EYS: variants seen among roughly 807,000 people sequenced by gnomAD.
EYS encodes EGF-like photoreceptor maintenance factor.
Under a neutral mutation model 282.1 loss-of-function variants are expected in EYS, and 250 were observed. The ratio of observed to expected loss-of-function variants is 0.89; its 90% confidence interval spans 0.80 to 0.98. The LOEUF is 0.98. Ranked by LOEUF, EYS falls within the 50% of genes least tolerant of loss-of-function variation. The pLI is 0.00. For missense variants in EYS, 4,016 were observed against 3,709.0 expected (o/e 1.08, Z -2.15); for synonymous variants, 1,355 against 1,282.9 (o/e 1.06, Z -1.20).
chr6:63,787,389 C>T (rs1253250754), intron 39 of EYS: 2 of 152,228 alleles, frequency 1.3e-5, no homozygotes, highest in African/African-American at 4.8e-5. Context: ...GTTAGATGGA[C>T]TTTCAATTTT....
chr6:64,664,833 G>T (rs989044748), intron 22 of EYS, among the ~76,000 whole-genome samples: 2 of 152,240 alleles, frequency 1.3e-5, no homozygotes, highest in East Asian at 1.9e-4. Flanking sequence ...CCATCCTCCA[G>T]AAATATGAGA....
chr6:64,451,431 C>A (rs369124908), intron 26 of EYS, among the ~76,000 whole-genome samples: 2 of 152,122 alleles, frequency 1.3e-5, no homozygotes, highest in Non-Finnish European at 2.9e-5. Flanking sequence ...ACCAGAGGTA[C>A]AAGGAGGAGC....
chr6:64,094,861 G>T (rs1308424187), intron 31 of EYS, among the ~76,000 whole-genome samples: 3 of 152,040 alleles, frequency 2.0e-5, no homozygotes, highest in Non-Finnish European at 2.9e-5. Context: ...GTCAATTTTA[G>T]ATCTTTCCTT....
At chr6:64,562,626 TAG>T (rs1403769063) in intron 26 of EYS, among the ~76,000 whole-genome samples, 1 of 151,842 alleles carries the variant, frequency 6.6e-6, no homozygotes, top group East Asian at 1.9e-4. Context: ...CCTAATTTAT[TAG>T]AGAGAGAAAG....
At chr6:63,905,628 C>T (rs1773761405) in intron 35 of EYS, among the ~76,000 whole-genome samples, 1 of 152,090 alleles carries the variant, frequency 6.6e-6, no homozygotes, top group Non-Finnish European at 1.5e-5. Flanking sequence ...CCGCGCCTGG[C>T]CAAATAAGGG....
At chr6:65,098,086 T>C (rs1309071921) in intron 12 of EYS, among the ~76,000 whole-genome samples, 1 of 150,690 alleles carries the variant, frequency 6.6e-6, no homozygotes, top group African/African-American at 2.4e-5. Context: ...GGGACAGTTA[T>C]CTCGGAGGTA....
chr6:64,591,939 A>G lies in EYS; in HGVS notation c.3928T>C (p.Leu1310=), dbSNP rs2149832599. The change falls in exon 26 of 43, where the codon TTG becomes CTG. Residue 1310 remains leucine, a synonymous_variant. Coordinates refer to ENST00000503581, the MANE Select transcript of EYS (RefSeq NM_001142800.2). ...VKHDILPTTG[L]ATLRISTPLE... ...GGTGTGCTAATTCTTAATGTTGCCA[A>G]ACCAGTGGTTGGGAGAATGTCGTGC... 1.3e-6 allele frequency: 2 copies of G among 1,531,820 alleles called. No homozygotes were observed. Among genetic ancestry groups the G allele is most frequent in the Non-Finnish European group, 1.8e-6 (2 of 1,135,156 alleles). The allele number at this position is 1,531,820 out of a possible 1,614,324, so 94.9% of individuals were successfully genotyped here.
intron 30 of EYS, among the ~76,000 whole-genome samples, chr6:64,263,747 C>A (rs1236167706): frequency 6.6e-6 from 1 of 152,058 alleles, no homozygotes; most frequent in Non-Finnish European, 1.5e-5. Flanking sequence ...GTTTGTAAAA[C>A]AGACCCTTAT....
chr6:64,363,248 A>T (rs1164685867), intron 29 of EYS, among the ~76,000 whole-genome samples: 1 of 151,914 alleles, frequency 6.6e-6, no homozygotes, highest in Non-Finnish European at 1.5e-5. Context: ...ATCTTTTGTA[A>T]GATATACATT....
At chr6:64,519,118 G>A (rs1777653172) in intron 26 of EYS, among the ~76,000 whole-genome samples, 1 of 151,732 alleles carries the variant, frequency 6.6e-6, no homozygotes, top group Non-Finnish European at 1.5e-5. Flanking sequence ...CTATGATACT[G>A]GGTAGGTGTT....
At chr6:64,948,163 A>G (rs1330464517) in intron 14 of EYS, among the ~76,000 whole-genome samples, 1 of 151,754 alleles carries the variant, frequency 6.6e-6, no homozygotes, top group East Asian at 1.9e-4. Context: ...AAAAGAAAAC[A>G]TAAAAGGATG....
At chr6:64,235,112 A>C (rs1766551213) in intron 30 of EYS, among the ~76,000 whole-genome samples, 1 of 150,634 alleles carries the variant, frequency 6.6e-6, no homozygotes, top group African/African-American at 2.4e-5. Context: ...ATCATACTTT[A>C]AGTTTTAGGG....
intron 12 of EYS, among the ~76,000 whole-genome samples, chr6:65,132,666 C>T (rs1775911755): frequency 6.6e-6 from 1 of 152,000 alleles, no homozygotes; most frequent in Non-Finnish European, 1.5e-5. Flanking sequence ...AGGATGCCAT[C>T]TCTTACCGCT....
Position 64,451,548 on chromosome 6 carries a change from C to A in EYS, c.5645-12196G>T, listed in dbSNP as rs563304558. ...ACCTGATACCAAAGCCTGGCAAAGACACAACAAAAAAAGAGAATTTTAGAC... is the reference window on the plus strand; with the variant it reads ...ACCTGATACCAAAGCCTGGCAAAGAAACAACAAAAAAAGAGAATTTTAGAC... On this transcript the variant is annotated intron_variant, in intron 26 of 42. Coordinates refer to ENST00000503581, the MANE Select transcript of EYS (RefSeq NM_001142800.2). 3.3e-5 allele frequency among the ~76,000 whole-genome samples: 5 copies of A among 152,156 alleles called. No homozygotes were observed. In the East Asian group the frequency reaches 5.8e-4, roughly 18 times the overall value.
chr6:64,724,253 G>A (rs1771681490), intron 22 of EYS, among the ~76,000 whole-genome samples: 1 of 152,066 alleles, frequency 6.6e-6, no homozygotes, highest in Admixed American at 6.5e-5. Flanking sequence ...GCAGTGTTGT[G>A]TTATATTTCT....
intron 22 of EYS, among the ~76,000 whole-genome samples, chr6:64,802,089 A>C (rs1377451967): frequency 8.1e-6 from 1 of 123,342 alleles, no homozygotes; most frequent in African/African-American, 3.2e-5. Context: ...CCTGGAGTGC[A>C]GTAGCGCGAT....
At chr6:63,973,744 A>G (rs1209227218) in intron 35 of EYS, among the ~76,000 whole-genome samples, 1 of 152,168 alleles carries the variant, frequency 6.6e-6, no homozygotes, top group Non-Finnish European at 1.5e-5. Context: ...GCTTAAAGCC[A>G]TGACTGCATT....
At chr6:64,333,250 A>G (rs2150391727) in intron 29 of EYS, among the ~76,000 whole-genome samples, 1 of 152,296 alleles carries the variant, frequency 6.6e-6, no homozygotes, top group South Asian at 2.1e-4. Context: ...CAAACCCCAC[A>G]GAAACTGGGG....
intron 26 of EYS, among the ~76,000 whole-genome samples, chr6:64,561,398 GACA>G (rs1765390871): frequency 6.6e-6 from 1 of 152,112 alleles, no homozygotes; most frequent in African/African-American, 2.4e-5. Context: ...TCTGTTTGCA[GACA>G]ACATGATTCT....
Sources: allele counts gnomAD v4.1 joint callset (sites outside exome capture counted in the v4.1 genomes callset), GRCh38; gene constraint gnomAD v4.1.1; transcripts MANE v1.5; gene names NCBI Gene and HGNC (gene_info 2026-07-23, HGNC 2026-07-21).